ABCC1: variants seen among roughly 807,000 people sequenced by gnomAD.
The protein encoded by ABCC1 is multidrug resistance-associated protein 1.
Under a neutral mutation model 172.9 loss-of-function variants are expected in ABCC1, and 83 were observed. The ratio of observed to expected loss-of-function variants is 0.48; its 90% CI spans 0.40 to 0.58. The LOEUF is 0.58. Among genes scored for constraint, ABCC1 ranks in the 20% least tolerant of loss-of-function variants. The pLI is 0.00. For synonymous variants in ABCC1, 937 were observed against 825.2 expected, an observed-to-expected ratio of 1.14 and a Z score of -2.32; for missense variants, 1,817 against 2,002.7, an observed-to-expected ratio of 0.91 and a Z score of 1.77.
intron 21 of ABCC1, among the ~76,000 whole-genome samples, chr16:16,107,367 A>G (rs953929214): frequency 3.3e-5 from 5 of 152,118 alleles, no homozygotes; most frequent in Non-Finnish European, 5.9e-5. Context: ...TCGGCTCACT[A>G]CAACCTCTGC....
chr16:16,010,629 C>T (rs934370857), intron 3 of ABCC1, among the ~76,000 whole-genome samples: 1 of 152,170 alleles, frequency 6.6e-6, no homozygotes, highest in Non-Finnish European at 1.5e-5. Flanking sequence ...AAGGAAACAA[C>T]TTTATTAATT....
intron 23 of ABCC1, among the ~76,000 whole-genome samples, chr16:16,119,878 G>T (rs2045075033): frequency 6.6e-6 from 1 of 152,126 alleles, no homozygotes; most frequent in African/African-American, 2.4e-5. Flanking sequence ...GGTAAGATGG[G>T]GCAGATCACC....
chr16:16,009,765 T>C lies in ABCC1; in HGVS notation c.226-11T>C, dbSNP rs765576553. On this transcript the variant is annotated splice_polypyrimidine_tract_variant and intron_variant, in intron 2 of 30. Transcript: ENST00000399410. ...GGTCTGTTGTAGGATATGTATGTGC[T>C]TCTCTTCCAGGCCTTGGGATTTTTG... The C allele has an allele frequency of 1.7e-5, 27 of 1,601,188 alleles. No homozygotes were observed. Among genetic ancestry groups the C allele is most frequent in the Non-Finnish European group, 2.1e-5 (25 of 1,173,990 alleles).
At position 16,032,993 on chromosome 16, in the gene ABCC1, G is replaced by A. The variant is rs907678023; in HGVS notation, c.616-116G>A. ...GGGTGCAGAATGGTGTGGAGCTGAC[G>A]CTAGTCCTCTGGAAGGAAGAGTGAG... On this transcript the variant is annotated intron_variant, in intron 5 of 30. Transcript: ENST00000399410. 4.2e-5 allele frequency: 41 copies of A among 981,868 alleles called. No homozygotes were observed. In the African/African-American group the frequency reaches 5.4e-4, roughly 13 times the overall value. The allele number at this position is 981,868 out of a possible 1,614,324, so 60.8% of individuals were successfully genotyped here.
At chr16:16,121,501 A>G (rs2045155791) in intron 23 of ABCC1, among the ~76,000 whole-genome samples, 1 of 152,210 alleles carries the variant, frequency 6.6e-6, no homozygotes, top group African/African-American at 2.4e-5. Context: ...TGCTGGTTCC[A>G]GAAAACCCTA....
At chr16:16,107,844 G>A (rs1181876207) in intron 21 of ABCC1, among the ~76,000 whole-genome samples, 1 of 151,208 alleles carries the variant, frequency 6.6e-6, no homozygotes, top group African/African-American at 2.4e-5. Flanking sequence ...TAAAGGGAAT[G>A]GAATTTTTAA....
chr16:16,044,775 C>A, intron 8 of ABCC1, 95 bp downstream of exon 8: 2 of 1,125,106 alleles, frequency 1.8e-6, no homozygotes, highest in Non-Finnish European at 2.6e-6. Flanking sequence ...ATGCTGTGTC[C>A]TGAAGTGGGC....
chr16:15,956,511 T>G (rs1403349472), intron 1 of ABCC1, among the ~76,000 whole-genome samples: 2 of 152,118 alleles, frequency 1.3e-5, no homozygotes, highest in African/African-American at 2.4e-5. Flanking sequence ...TGTTGGTTGT[T>G]TTTTGATAGA....
intron 16 of ABCC1, 102 bp from the exon 17 acceptor site, chr16:16,083,264 T>G: frequency 8.6e-7 from 1 of 1,164,712 alleles, no homozygotes; most frequent in Non-Finnish European, 1.3e-6. Context: ...GAAAATGACT[T>G]GTGAAGTGAG....
In ABCC1 at chr16:16,071,499, G is replaced by A; in HGVS notation, c.1825-143G>A. On this transcript the variant is annotated intron_variant, in intron 13 of 30. Coordinates refer to ENST00000399410, the MANE Select transcript of ABCC1 (RefSeq NM_004996.4). ...TTGTTTAATTCTAAAGTATACACTG[G>A]TTCTAAGAAATGTGGGACCTTCAGA... 3 of 643,776 alleles carry A rather than the reference G, an allele frequency of 4.7e-6. No homozygotes were observed. In the South Asian group the frequency reaches 5.7e-5, roughly 12 times the overall value. 39.9% of individuals were successfully genotyped at this position (643,776 alleles called of 1,614,324 possible).
At chr16:16,021,238 G>A (rs928270404) in intron 5 of ABCC1, among the ~76,000 whole-genome samples, 1 of 152,066 alleles carries the variant, frequency 6.6e-6, no homozygotes, top group Non-Finnish European at 1.5e-5. Flanking sequence ...TCCTGTTCAA[G>A]TATTACCAGC....
At chr16:15,997,083 T>C (rs1219961161) in intron 1 of ABCC1, among the ~76,000 whole-genome samples, 1 of 141,200 alleles carries the variant, frequency 7.1e-6, no homozygotes, top group Admixed American at 7.7e-5. Context: ...GGGGAGGACA[T>C]GCGCTTTCTC....
chr16:16,040,068 A>ATGTATGTT (rs1472717409), intron 7 of ABCC1, among the ~76,000 whole-genome samples: 16 of 105,976 alleles, frequency 1.5e-4, no homozygotes, highest in African/African-American at 5.0e-4. Flanking sequence ...GTTTGTTTGT[A>ATGTATGTT]TGTATGTATG....
intron 7 of ABCC1, among the ~76,000 whole-genome samples, chr16:16,040,060 TTGTTTGTATGTA>T (rs1215866626): frequency 8.2e-4 from 108 of 131,486 alleles, no homozygotes; most frequent in African/African-American, 1.9e-3. Context: ...GTTTGTTTGT[TTGTTTGTATGTA>T]TGTATGTATG....
intron 19 of ABCC1, among the ~76,000 whole-genome samples, chr16:16,093,546 C>T (rs1487269931): frequency 6.6e-6 from 1 of 152,154 alleles, no homozygotes; most frequent in Admixed American, 6.6e-5. Flanking sequence ...GTTTGACCTC[C>T]CTACCTCCTG....
chr16:16,045,987 G>T lies in ABCC1; in HGVS notation c.1192G>T (p.Ala398Ser), dbSNP rs1396983397. ...CGTCAGTGGCATGAGGATCAAGACC[G>T]CTGTCATTGGGGCTGTCTATCGGAA... Reference protein sequence around the residue: ...CFVSGMRIKTAVIGAVYRKAL... With the variant: ...CFVSGMRIKTSVIGAVYRKAL... Residue 398 changes from alanine (A) to serine (S), a missense_variant, in exon 9 of 31, where the codon GCT becomes TCT. Physicochemically the swap from Ala to Ser is moderately conservative, Grantham distance 99 (BLOSUM62 1). This residue lies in a region of ABCC1 where 1,412 missense variants were observed against 1,600.3 expected (regional missense o/e 0.88). Transcript: ENST00000399410. 4 of 1,614,142 alleles carry T rather than the reference G, an allele frequency of 2.5e-6. No homozygotes were observed. The highest frequency in any genetic ancestry group is 1.7e-5 in the Admixed American group (1 of 60,012).
At chr16:16,030,738 C>G (rs1467992146) in intron 5 of ABCC1, among the ~76,000 whole-genome samples, 1 of 151,952 alleles carries the variant, frequency 6.6e-6, no homozygotes, top group East Asian at 1.9e-4. Context: ...TGCCCAGCCA[C>G]TTTTCCAAGA....
chr16:16,037,871 T>C (rs371756484), intron 7 of ABCC1, among the ~76,000 whole-genome samples: 2 of 152,128 alleles, frequency 1.3e-5, no homozygotes, highest in African/African-American at 4.8e-5. Context: ...CGGAGGCTGT[T>C]TGGGTGGTCC....
At chr16:16,110,743 C>A (rs551415186) in intron 21 of ABCC1, among the ~76,000 whole-genome samples, 30 of 152,330 alleles carry the variant, frequency 2.0e-4, no homozygotes, top group African/African-American at 7.2e-4. Context: ...CAATACCTCT[C>A]TAGACTGCAT....
Sources: allele counts gnomAD v4.1 joint callset (sites outside exome capture counted in the v4.1 genomes callset), GRCh38; gene constraint gnomAD v4.1.1; regional missense constraint gnomAD v4.1.1; transcripts MANE v1.5; gene names NCBI Gene and HGNC (gene_info 2026-07-23, HGNC 2026-07-21).